Variants in GPN3 observed in about 807,000 individuals in gnomAD.
The protein encoded by GPN3 is ATP-binding domain 1 family member C.
A neutral mutation model predicts 38.7 loss-of-function variants in GPN3; 31 were observed. The ratio of observed to expected loss-of-function variants is 0.80; its 90% confidence interval spans 0.60 to 1.08. The LOEUF is 1.08. Among genes scored for constraint, GPN3 ranks in the 50% least tolerant of loss-of-function variants. The pLI, the probability that GPN3 is intolerant of heterozygous loss-of-function variation, is 0.00. For missense variants in GPN3, 301 were observed against 354.4 expected (o/e 0.85, Z 1.21); for synonymous variants, 116 against 120.2 (o/e 0.96, Z 0.23).
At chr12:110,461,337 TACAG>T (rs1164017631) in intron 2 of GPN3, 3 of 837,940 alleles carry the variant, frequency 3.6e-6, no homozygotes, top group African/African-American at 3.3e-5. Context: ...TTCAAAAATC[TACAG>T]ACAATGTCGA....
At chr12:110,465,520 T>C (rs946372091) in intron 1 of GPN3, among the ~76,000 whole-genome samples, 1 of 152,112 alleles carries the variant, frequency 6.6e-6, no homozygotes, top group Non-Finnish European at 1.5e-5. Flanking sequence ...AAGGGAAGAG[T>C]TCTGGTTACA....
intron 2 of GPN3, chr12:110,461,148 T>A: frequency 7.7e-7 from 1 of 1,307,136 alleles, no homozygotes; most frequent in Non-Finnish European, 1.1e-6. Flanking sequence ...AAATTTGCCA[T>A]GAAGGAGATG....
chr12:110,460,584 C>T (rs2062579763), intron 2 of GPN3, among the ~76,000 whole-genome samples: 1 of 152,106 alleles, frequency 6.6e-6, no homozygotes, highest in Admixed American at 6.6e-5. Context: ...GCCTGTAATC[C>T]CAGCACTTTG....
chr12:110,460,969 C>T (rs772563968), intron 2 of GPN3: 17 of 1,219,536 alleles, frequency 1.4e-5, no homozygotes, highest in Non-Finnish European at 2.1e-5. Flanking sequence ...ATCTCACTTT[C>T]CAACTTGGAC....
At chr12:110,453,931 C>T in intron 6 of GPN3, 60 bp from the exon 7 acceptor site, 1 of 1,351,206 alleles carries the variant, frequency 7.4e-7, no homozygotes, top group Non-Finnish European at 1.0e-6. Flanking sequence ...ACATAATTTT[C>T]AACTTATATT....
intron 1 of GPN3, among the ~76,000 whole-genome samples, chr12:110,466,138 T>A (rs1368568231): frequency 2.0e-5 from 3 of 151,632 alleles, no homozygotes; most frequent in Non-Finnish European, 2.9e-5. Flanking sequence ...AAGGCAGAGA[T>A]GTGTCTTATT....
In GPN3 at chr12:110,461,360, A is replaced by C. The variant is rs1027522340; in HGVS notation, c.158-1498T>G. The C allele has an allele frequency of 4.0e-5, 30 of 741,424 alleles. No homozygotes were observed. The African/African-American group carries it at 4.9e-4, about 12-fold the overall frequency. The allele number at this position is 741,424 out of a possible 1,614,324, so 45.9% of individuals were successfully genotyped here. A position where few individuals can be genotyped will look rare whatever the true frequency, so the allele number is the denominator to read the frequency against. On this transcript the variant is annotated intron_variant, in intron 2 of 7. Transcript: ENST00000228827. ...TCTACAGACAATGTCGATGAGAACT[A>C]ATCACTGATCGTCAAATACATCAAA...
At chr12:110,466,077 C>CA (rs879788319) in intron 1 of GPN3, among the ~76,000 whole-genome samples, 263 of 122,032 alleles carry the variant, frequency 2.2e-3, no homozygotes, top group African/African-American at 4.2e-3. Context: ...ACTCCTGGCT[C>CA]AAAAAAAAAA....
At chr12:110,462,656 C>T (rs1273089681) in intron 2 of GPN3, among the ~76,000 whole-genome samples, 6 of 152,174 alleles carry the variant, frequency 3.9e-5, no homozygotes, top group Non-Finnish European at 7.3e-5. Flanking sequence ...GGTACGATCT[C>T]GGCTCACCAG....
Position 110,455,699 on chromosome 12 carries a change from G to C in GPN3, c.567-17C>G, listed in dbSNP as rs1262274543. ...TCTAAAAATCTTTAAAAGACAGAAA[G>C]ACTGATGAATTCAGGAGACTAGGTT... On this transcript the variant is annotated splice_polypyrimidine_tract_variant and intron_variant, in intron 5 of 7. Transcript: ENST00000228827. 1.8e-6 allele frequency: 2 copies of C among 1,112,986 alleles called. No homozygotes were observed. Among genetic ancestry groups the C allele is most frequent in the Admixed American group, 3.5e-5 (2 of 56,802 alleles). 68.9% of individuals were successfully genotyped at this position (1,112,986 alleles called of 1,614,324 possible).
At position 110,453,072 on chromosome 12, in the gene GPN3, T is replaced by G. The variant is rs367859550; in HGVS notation, c.817A>C (p.Met273Leu). Residue 273 changes from methionine (M) to leucine (L), a missense_variant, in exon 8 of 8, where the codon ATG (methionine) becomes CTG (leucine). By Grantham distance (15) the Met-to-Leu change is conservative. Coordinates refer to ENST00000228827, the MANE Select transcript of GPN3 (RefSeq NM_016301.4). ...PKEREDESSS[M>L]FDEYFQECQD... is the part of the protein sequence containing the mutation. Reference sequence around the variant, plus strand: ...CATTCTTGAAAATATTCGTCAAACATAGAGGAAGACTCATCTTCACGTTCC... The same window carrying G: ...CATTCTTGAAAATATTCGTCAAACAGAGAGGAAGACTCATCTTCACGTTCC... 1.4e-6 allele frequency: 2 copies of G among 1,469,520 alleles called. No homozygotes were observed. Among genetic ancestry groups the G allele is most frequent in the Non-Finnish European group, 1.9e-6 (2 of 1,050,048 alleles). The allele number at this position is 1,469,520 out of a possible 1,614,324, so 91.0% of individuals were successfully genotyped here.
At chr12:110,464,963 T>G (rs997934694) in intron 2 of GPN3, 143 bp downstream of exon 2, 9 of 659,274 alleles carry the variant, frequency 1.4e-5, no homozygotes, top group Non-Finnish European at 2.5e-5. Context: ...TGAACAGATG[T>G]GACCAAATGA....
intron 1 of GPN3, 92 bp downstream of exon 1, chr12:110,468,064 G>A (rs7958683): frequency 0.79 from 1,258,990 of 1,592,138 alleles, 501,015 homozygotes; most frequent in East Asian, 1. Context: ...AGGGTTCCCA[G>A]TACACACACC....
At chr12:110,466,810 C>A (rs190344732) in intron 1 of GPN3, among the ~76,000 whole-genome samples, 10 of 152,144 alleles carry the variant, frequency 6.6e-5, no homozygotes, top group African/African-American at 2.4e-4. Flanking sequence ...CACACTGTAT[C>A]TTAATTGACA....
intron 2 of GPN3, among the ~76,000 whole-genome samples, chr12:110,462,513 C>T (rs2062596411): frequency 1.3e-5 from 2 of 152,348 alleles, no homozygotes; most frequent in South Asian, 2.1e-4. Flanking sequence ...CTGTCTGCTT[C>T]CTTACATCTC....
At position 110,455,609 on chromosome 12, in the gene GPN3, G is replaced by C. The variant is rs374796314; in HGVS notation, c.640C>G (p.Leu214Val). Residue 214 changes from leucine to valine, a missense_variant, in exon 6 of 8, where the codon CTG (leucine) becomes GTG (valine). Transcript: ENST00000228827. Reference protein sequence around the residue: ...SDLRSKKFKKLTKAICGLIDD... With the variant: ...SDLRSKKFKKVTKAICGLIDD... ...ACCAGTCCACATATAGCTTTAGTCA[G>C]TTTCTTGAATTTTTTGCTTCTTAAG... 2 of 1,452,812 alleles carry C rather than the reference G, an allele frequency of 1.4e-6. No homozygotes were observed. Among genetic ancestry groups the C allele is most frequent in the Non-Finnish European group, 1.9e-6 (2 of 1,035,640 alleles). The allele number at this position is 1,452,812 out of a possible 1,614,324, so 90.0% of individuals were successfully genotyped here.
chr12:110,461,399 T>C (rs1010330737), intron 2 of GPN3: 9 of 576,980 alleles, frequency 1.6e-5, no homozygotes, highest in Admixed American at 1.3e-4. Flanking sequence ...AGTTATAAAA[T>C]TGAAAAAAAA....
rs751404912 is a variant in GPN3 at position 110,453,064 on chromosome 12, G to A, written c.825C>T (p.Asp275=). Residue 275 remains aspartate, a synonymous_variant, in exon 8 of 8, where the codon GAC becomes GAT. Transcript: ENST00000228827. ...EREDESSSMF[D]EYFQECQDE is the part of the protein sequence containing the mutation. ...CATCCTGGCATTCTTGAAAATATTCGTCAAACATAGAGGAAGACTCATCTT... is the reference window on the plus strand; with the variant it reads ...CATCCTGGCATTCTTGAAAATATTCATCAAACATAGAGGAAGACTCATCTT... 3.4e-6 allele frequency: 5 copies of A among 1,476,960 alleles called. No individual in the cohort carries two copies. Among genetic ancestry groups the A allele is most frequent in the East Asian group, 2.3e-5 (1 of 44,270 alleles). The allele number at this position is 1,476,960 out of a possible 1,614,324, so 91.5% of individuals were successfully genotyped here.
chr12:110,459,827 C>T lies in GPN3; in HGVS notation c.193G>A (p.Glu65Lys), dbSNP rs774630058. The stretch of plus-strand genomic sequence containing the variant: ...GGACCGAATCGCAGAGAATCATCCT[C>T]CATTACATCATCCACCTCGATCAGT... ...RELIEVDDVM[E>K]DDSLRFGPNG... The change falls in exon 3 of 8, where the codon GAG becomes AAG. Residue 65 changes from glutamate (E) to lysine (K), a missense_variant. Glu to Lys is a moderately conservative substitution (Grantham distance 56). Coordinates refer to ENST00000228827, the MANE Select transcript of GPN3 (RefSeq NM_016301.4). 2 of 1,613,904 alleles carry T rather than the reference C, an allele frequency of 1.2e-6. No homozygotes were observed. The highest frequency in any genetic ancestry group is 2.7e-5 in the African/African-American group (2 of 74,924).
Sources: gnomAD v4.1 joint callset for allele counts (sites outside exome capture counted in the v4.1 genomes callset) on GRCh38, gnomAD v4.1.1 for gene constraint, MANE v1.5 for transcripts, NCBI Gene and HGNC (gene_info 2026-07-23, HGNC 2026-07-21) for gene names.